The following CXCR2 variants were observed in gnomAD, a reference collection of about 807,000 sequenced individuals.
The protein encoded by CXCR2 is C-X-C motif chemokine receptor 2, also known as C-X-C chemokine receptor type 2.
In CXCR2, 2 loss-of-function variants were observed where a neutral mutation model predicts 3.7. The observed-to-expected ratio is 0.55, with a 90% confidence interval of 0.22 to 1.72. CXCR2 has a LOEUF of 1.72. Among genes scored for constraint, CXCR2 ranks in the 40% most tolerant of loss-of-function variants. The pLI is 0.19. For synonymous variants in CXCR2, 203 were observed against 193.3 expected, an observed-to-expected ratio of 1.05 and a Z score of -0.41; for missense variants, 351 against 450.1, an observed-to-expected ratio of 0.78 and a Z score of 1.99.
chr2:218,134,640 C>T, intron 2 of CXCR2, 137 bp from the exon 3 acceptor site: 1 of 750,544 alleles, frequency 1.3e-6, no homozygotes, highest in Non-Finnish European at 2.1e-6. Flanking sequence ...TAAGAGCTAC[C>T]ACTTACAAAT....
At position 218,126,501 on chromosome 2, in the gene CXCR2, G is replaced by A. The variant is rs187944551; in HGVS notation, c.-78+148G>A. The A allele has an allele frequency of 3.3e-5, 5 of 152,350 alleles. No homozygotes were observed. The East Asian group carries it at 9.6e-4, about 29-fold the overall frequency. 9.4% of individuals were successfully genotyped at this position (152,350 alleles called of 1,614,324 possible). A position where few individuals can be genotyped will look rare whatever the true frequency, so the allele number is the denominator to read the frequency against. Reference sequence around the variant, plus strand: ...AGACAACTAAGTCTTCACCTAGACAGTGTTGCACAAAAGAATTTTCTGCAA... The same window carrying A: ...AGACAACTAAGTCTTCACCTAGACAATGTTGCACAAAAGAATTTTCTGCAA... On this transcript the variant is annotated intron_variant, in intron 1 of 2. Transcript: ENST00000318507.
intron 2 of CXCR2, among the ~76,000 whole-genome samples, chr2:218,134,036 C>G (rs1317256550): frequency 6.6e-6 from 1 of 152,238 alleles, no homozygotes; most frequent in Admixed American, 6.5e-5. Context: ...AAACGCTGGG[C>G]CTTACTAATT....
rs1009979113 is a variant in CXCR2, at chr2:218,137,098, T to C, written c.*1214T>C. The C allele has an allele frequency of 2.4e-5, 4 of 167,160 alleles. No homozygotes were observed. Among genetic ancestry groups the C allele is most frequent in the Non-Finnish European group, 4.4e-5 (3 of 68,120 alleles). 10.4% of individuals were successfully genotyped at this position (167,160 alleles called of 1,614,324 possible). A position where few individuals can be genotyped will look rare whatever the true frequency, so the allele number is the denominator to read the frequency against. On this transcript the variant is annotated 3_prime_UTR_variant, in exon 3 of 3. Coordinates refer to ENST00000318507, the MANE Select transcript of CXCR2 (RefSeq NM_001557.4). ...TAAATGGTCAATTTTGTTATGTATA[T>C]TTTATATCAATTTAAAAAAAAACCT...
chr2:218,133,600 A>AT (rs1312069736), intron 2 of CXCR2, among the ~76,000 whole-genome samples: 1 of 152,042 alleles, frequency 6.6e-6, no homozygotes, highest in Non-Finnish European at 1.5e-5. Context: ...CTGGGATAAT[A>AT]TTTTTGAATA....
chr2:218,125,384 G>C (rs1383939434), upstream of CXCR2: 1 of 152,220 alleles, frequency 6.6e-6, no homozygotes, highest in Non-Finnish European at 1.5e-5. Flanking sequence ...GTCTCACAGA[G>C]TAGGCTGCAG....
chr2:218,132,253 G>C lies in CXCR2; in HGVS notation c.-25-2524G>C, dbSNP rs192268075. Among the ~76,000 whole-genome samples, 10 of 152,098 alleles carry C rather than the reference G, an allele frequency of 6.6e-5. No homozygotes were observed. The East Asian group carries it at 1.9e-3, about 29-fold the overall frequency. Reference sequence around the variant, plus strand: ...CGTAGTCATTAACATTCCTCTCCCAGCTCCCCTTGACCCTGGAAACCACCA... The same window carrying C: ...CGTAGTCATTAACATTCCTCTCCCACCTCCCCTTGACCCTGGAAACCACCA... On this transcript the variant is annotated intron_variant, in intron 2 of 2. Coordinates refer to ENST00000318507, the MANE Select transcript of CXCR2 (RefSeq NM_001557.4).
At chr2:218,133,538 G>A (rs1274963284) in intron 2 of CXCR2, among the ~76,000 whole-genome samples, 2 of 152,022 alleles carry the variant, frequency 1.3e-5, no homozygotes, top group African/African-American at 2.4e-5. Context: ...GACCTCAAGT[G>A]ATCTGCCACC....
intron 1 of CXCR2, among the ~76,000 whole-genome samples, chr2:218,128,186 G>C (rs752803822): frequency 6.6e-6 from 1 of 152,226 alleles, no homozygotes; most frequent in Non-Finnish European, 1.5e-5. Context: ...TGCTCAGCTA[G>C]CCCTGGTGTC....
intron 1 of CXCR2, among the ~76,000 whole-genome samples, chr2:218,128,286 A>G (rs1349927865): frequency 6.6e-6 from 1 of 152,206 alleles, no homozygotes; most frequent in Non-Finnish European, 1.5e-5. Context: ...CTTGGGAAAG[A>G]GAGGTGACAA....
chr2:218,127,222 G>C (rs1438356826), intron 1 of CXCR2, among the ~76,000 whole-genome samples: 3 of 152,218 alleles, frequency 2.0e-5, no homozygotes, highest in Non-Finnish European at 4.4e-5. Flanking sequence ...TGCCTCCCGA[G>C]TTCAAGCAAT....
intron 1 of CXCR2, among the ~76,000 whole-genome samples, chr2:218,126,918 C>T (rs756251919): frequency 6.6e-6 from 1 of 151,810 alleles, no homozygotes; most frequent in African/African-American, 2.4e-5. Context: ...TCAAGCGATC[C>T]GCCCACCTCG....
rs201476763 is a variant in CXCR2 at position 218,135,359 on chromosome 2, C to G, written c.558C>G (p.Thr186=). Residue 186 remains threonine (T), a synonymous_variant, in exon 3 of 3, where the codon ACC becomes ACG. Coordinates refer to ENST00000318507, the MANE Select transcript of CXCR2 (RefSeq NM_001557.4). This position sits in a 1 kb window ranked among gnomAD's most constrained non-coding sequence, Gnocchi z 4.0. ...TGCCTGTCTTACTTTTCCGAAGGAC[C>G]GTCTACTCATCCAATGTTAGCCCAG... ...LALPVLLFRR[T]VYSSNVSPAC... 5.6e-6 allele frequency: 9 copies of G among 1,614,168 alleles called. No homozygotes were observed. Among genetic ancestry groups the G allele is most frequent in the Non-Finnish European group, 7.6e-6 (9 of 1,180,032 alleles).
At chr2:218,131,573 C>T (rs901713688) in intron 2 of CXCR2, among the ~76,000 whole-genome samples, 3 of 151,666 alleles carry the variant, frequency 2.0e-5, no homozygotes, top group East Asian at 1.9e-4. Context: ...GGGTTCACAC[C>T]GTTCTCCTGC....
chr2:218,135,356 G>A lies in CXCR2; in HGVS notation c.555G>A (p.Arg185=). ...CCCTGCCTGTCTTACTTTTCCGAAGGACCGTCTACTCATCCAATGTTAGCC... is the reference window on the plus strand; with the variant it reads ...CCCTGCCTGTCTTACTTTTCCGAAGAACCGTCTACTCATCCAATGTTAGCC... ...LLALPVLLFR[R]TVYSSNVSPA... The change falls in exon 3 of 3, where the codon AGG becomes AGA. Residue 185 remains arginine, a synonymous_variant. Coordinates refer to ENST00000318507, the MANE Select transcript of CXCR2 (RefSeq NM_001557.4). This position sits in a 1 kb window ranked among gnomAD's most constrained non-coding sequence, Gnocchi z 4.0. 1 of 1,614,122 alleles carries A rather than the reference G, an allele frequency of 6.2e-7. No individual in the cohort carries two copies. Among genetic ancestry groups the A allele is most frequent in the African/African-American group, 1.3e-5 (1 of 75,020 alleles).
intron 1 of CXCR2, among the ~76,000 whole-genome samples, chr2:218,127,621 C>G (rs1690541646): frequency 6.6e-6 from 1 of 152,180 alleles, no homozygotes; most frequent in Non-Finnish European, 1.5e-5. Flanking sequence ...GGCTGGGATC[C>G]TGCTCCTTAT....
At chr2:218,125,519 G>A (rs1368466146), upstream of CXCR2, among the ~76,000 whole-genome samples, 1 of 151,818 alleles carries the variant, frequency 6.6e-6, no homozygotes, top group Non-Finnish European at 1.5e-5. Context: ...TTCCAGATGG[G>A]AGAGGCATGC....
chr2:218,133,002 G>T (rs1419235945), intron 2 of CXCR2, among the ~76,000 whole-genome samples: 2 of 152,178 alleles, frequency 1.3e-5, no homozygotes, highest in South Asian at 4.1e-4. Flanking sequence ...CCTGCAATGT[G>T]GGAGAGTTCT....
At chr2:218,125,791 G>T, upstream of CXCR2, 1 of 152,730 alleles carries the variant, frequency 6.5e-6, no homozygotes. Flanking sequence ...AGTAAGATGT[G>T]GTAGAAGGGA....
intron 1 of CXCR2, among the ~76,000 whole-genome samples, chr2:218,127,319 G>T (rs1690535210): frequency 6.6e-6 from 1 of 152,016 alleles, no homozygotes; most frequent in Non-Finnish European, 1.5e-5. Context: ...TAGAGGCGGG[G>T]TTTCACCATG....
Sources: gnomAD v4.1 joint callset for allele counts (sites outside exome capture counted in the v4.1 genomes callset) on GRCh38, gnomAD v4.1.1 for gene constraint, Gnocchi (gnomAD v3.1) non-coding constraint, MANE v1.5 for transcripts, NCBI Gene and HGNC (gene_info 2026-07-23, HGNC 2026-07-21) for gene names.